The following CDH18 variants were observed in gnomAD, a reference collection of about 807,000 sequenced individuals.
CDH18 encodes cadherin-18.
In CDH18, 31 loss-of-function variants were observed where a neutral mutation model predicts 67.9. That is an observed-to-expected ratio of 0.46 (90% CI 0.34 to 0.62). The LOEUF is 0.62. CDH18 is among the 20% of genes least tolerant of loss of function. The pLI, the probability that CDH18 is intolerant of heterozygous loss-of-function variation, is 0.01. For missense variants in CDH18, 890 were observed against 975.5 expected (o/e 0.91, Z 1.17); for synonymous variants, 362 against 347.2 (o/e 1.04, Z -0.48).
chr5:19,505,906 T>C (rs1247822293), intron 10 of CDH18, among the ~76,000 whole-genome samples: 2 of 152,136 alleles, frequency 1.3e-5, no homozygotes, highest in Non-Finnish European at 2.9e-5. Context: ...CCAGCTCCTC[T>C]TTGTACCTCT....
At chr5:19,483,189 A>T in intron 12 of CDH18, 112 bp downstream of exon 12, 9 of 947,450 alleles carry the variant, frequency 9.5e-6, no homozygotes, top group Non-Finnish European at 1.4e-5. Flanking sequence ...AGGAAATTGG[A>T]GCAGCTGTTT....
intron 2 of CDH18, among the ~76,000 whole-genome samples, chr5:20,004,468 C>G (rs1460011774): frequency 6.6e-6 from 1 of 152,156 alleles, no homozygotes; most frequent in Non-Finnish European, 1.5e-5. Flanking sequence ...GGAGAGAACA[C>G]TTCACCCAAT....
At chr5:20,566,310 A>T (rs1581210079) in intron 1 of CDH18, among the ~76,000 whole-genome samples, 1 of 150,840 alleles carries the variant, frequency 6.6e-6, no homozygotes, top group East Asian at 2.0e-4. Flanking sequence ...ACCCAAAGCC[A>T]CTCAGATGGC....
At chr5:19,946,526 T>A (rs1000356761) in intron 2 of CDH18, among the ~76,000 whole-genome samples, 1 of 152,074 alleles carries the variant, frequency 6.6e-6, no homozygotes, top group East Asian at 1.9e-4. Context: ...GCTAAATGAA[T>A]CCGAAGAAAA....
intron 1 of CDH18, among the ~76,000 whole-genome samples, chr5:19,982,284 T>C (rs571438375): frequency 6.7e-4 from 102 of 152,218 alleles, no homozygotes; most frequent in Non-Finnish European, 1.1e-3. Context: ...TAGATTTTCA[T>C]GGACACTATC....
At chr5:20,219,408 C>T (rs113139794) in intron 2 of CDH18, among the ~76,000 whole-genome samples, 1 of 151,330 alleles carries the variant, frequency 6.6e-6, no homozygotes, top group African/African-American at 2.4e-5. Context: ...TAAAGAAGAA[C>T]TAATATCAAT....
chr5:20,285,915 T>TA, intron 1 of CDH18, among the ~76,000 whole-genome samples: 1 of 151,766 alleles, frequency 6.6e-6, no homozygotes, highest in South Asian at 2.1e-4. Flanking sequence ...AATTTATTTT[T>TA]AAAAAATTAA....
chr5:20,089,864 A>G (rs1364152076), intron 2 of CDH18, among the ~76,000 whole-genome samples: 1 of 152,122 alleles, frequency 6.6e-6, no homozygotes, highest in Admixed American at 6.6e-5. Context: ...ACTTTTTATT[A>G]ATTTCAACAT....
intron 2 of CDH18, among the ~76,000 whole-genome samples, chr5:20,217,428 T>C (rs1398568274): frequency 1.3e-5 from 2 of 151,904 alleles, no homozygotes; most frequent in African/African-American, 2.4e-5. Context: ...TGTTTGTTTA[T>C]TAATCAGTGT....
At chr5:19,833,044 T>G (rs1781234431) in intron 3 of CDH18, among the ~76,000 whole-genome samples, 1 of 152,142 alleles carries the variant, frequency 6.6e-6, no homozygotes, top group Admixed American at 6.6e-5. Context: ...AAAATAGTTT[T>G]TTTCTAATTT....
At chr5:19,794,158 A>AGT (rs1448070835) in intron 3 of CDH18, among the ~76,000 whole-genome samples, 1 of 152,176 alleles carries the variant, frequency 6.6e-6, no homozygotes, top group Non-Finnish European at 1.5e-5. Context: ...CTAACTTTGT[A>AGT]GTGGTGACTA....
At chr5:20,339,527 G>A (rs1187603599) in intron 1 of CDH18, among the ~76,000 whole-genome samples, 1 of 151,976 alleles carries the variant, frequency 6.6e-6, no homozygotes, top group Non-Finnish European at 1.5e-5. Context: ...GGAATCCCTG[G>A]AAATGCCTAT....
intron 8 of CDH18, among the ~76,000 whole-genome samples, chr5:19,564,057 C>G (rs1035199555): frequency 1.3e-5 from 2 of 152,316 alleles, no homozygotes; most frequent in African/African-American, 4.8e-5. Flanking sequence ...AGAAATAACT[C>G]AACCCAGTGG....
intron 2 of CDH18, among the ~76,000 whole-genome samples, chr5:20,017,713 T>C (rs1360753185): frequency 1.3e-5 from 2 of 152,194 alleles, no homozygotes; most frequent in Non-Finnish European, 2.9e-5. Flanking sequence ...TACTTTAGCC[T>C]TGAAGCCAGA....
At chr5:20,028,278 T>C (rs1739093116) in intron 2 of CDH18, among the ~76,000 whole-genome samples, 1 of 152,186 alleles carries the variant, frequency 6.6e-6, no homozygotes, top group Non-Finnish European at 1.5e-5. Flanking sequence ...ATGAAAACAT[T>C]AAATTGTTTA....
At chr5:19,531,058 G>A (rs1397644524) in intron 9 of CDH18, among the ~76,000 whole-genome samples, 1 of 152,158 alleles carries the variant, frequency 6.6e-6, no homozygotes, top group African/African-American at 2.4e-5. Context: ...CACGCTGGGA[G>A]CTGTAGACCG....
At position 20,082,952 on chromosome 5, in the gene CDH18, A is replaced by G. The variant is rs115546606; in HGVS notation, c.-517-90938T>C. Among the ~76,000 whole-genome samples, 495 of 152,332 alleles carry G rather than the reference A, an allele frequency of 3.2e-3. 2 individuals carry two copies. The highest frequency in any genetic ancestry group is 0.011 in the African/African-American group (475 of 41,580). On this transcript the variant is annotated intron_variant, in intron 2 of 14. Transcript: ENST00000507958. Reference sequence around the variant, plus strand: ...CTTGTACCCTTTGGAACTGTGAGGCAGTAAATATTCGTGATCCAAATTTTA... The same window carrying G: ...CTTGTACCCTTTGGAACTGTGAGGCGGTAAATATTCGTGATCCAAATTTTA...
chr5:20,124,682 A>G (rs1481415048), intron 2 of CDH18, among the ~76,000 whole-genome samples: 2 of 152,176 alleles, frequency 1.3e-5, no homozygotes, highest in Admixed American at 1.3e-4. Context: ...CAAGTACGCT[A>G]GAATGTTAAG....
At chr5:19,907,706 A>G (rs562712172) in intron 2 of CDH18, among the ~76,000 whole-genome samples, 9 of 152,160 alleles carry the variant, frequency 5.9e-5, no homozygotes, top group Admixed American at 3.9e-4. Flanking sequence ...TACAATTTCC[A>G]ACTGATCTGA....
Sources: gnomAD v4.1 joint callset for allele counts (sites outside exome capture counted in the v4.1 genomes callset) on GRCh38, gnomAD v4.1.1 for gene constraint, MANE v1.5 for transcripts, NCBI Gene and HGNC (gene_info 2026-07-23, HGNC 2026-07-21) for gene names.